TAF1B: variants seen among roughly 807,000 people sequenced by gnomAD.
TAF1B encodes TATA-box binding protein associated factor, RNA polymerase I subunit B, also known as TATA box-binding protein-associated factor RNA polymerase I subunit B.
Under a neutral mutation model 83.9 loss-of-function variants are expected in TAF1B, and 61 were observed. That is an observed-to-expected ratio of 0.73 (90% confidence interval 0.59 to 0.90). TAF1B has a LOEUF of 0.90. Among genes scored for constraint, TAF1B ranks in the 40% least tolerant of loss-of-function variants. TAF1B has a pLI of 0.00. For synonymous variants in TAF1B, 221 were observed against 224.6 expected, an observed-to-expected ratio of 0.98 and a Z score of 0.14; for missense variants, 625 against 677.0, an observed-to-expected ratio of 0.92 and a Z score of 0.85.
chr2:9,848,699 A>T (rs1456374952), intron 2 of TAF1B, among the ~76,000 whole-genome samples: 1 of 152,072 alleles, frequency 6.6e-6, no homozygotes, highest in Non-Finnish European at 1.5e-5. Context: ...AATAATGGGA[A>T]CATTTATTCT....
intron 5 of TAF1B, among the ~76,000 whole-genome samples, chr2:9,863,669 T>C (rs1663857594): frequency 6.6e-6 from 1 of 152,202 alleles, no homozygotes; most frequent in South Asian, 2.1e-4. Context: ...ACACCACACC[T>C]ATTCCAAAAT....
intron 8 of TAF1B, among the ~76,000 whole-genome samples, chr2:9,896,374 G>A (rs1393232084): frequency 6.6e-6 from 1 of 152,038 alleles, no homozygotes; most frequent in African/African-American, 2.4e-5. Flanking sequence ...AAATGGAAAC[G>A]GCTTTTCATT....
chr2:9,918,834 G>A (rs1388903727), intron 12 of TAF1B, among the ~76,000 whole-genome samples: 1 of 152,196 alleles, frequency 6.6e-6, no homozygotes, highest in Non-Finnish European at 1.5e-5. Flanking sequence ...TGGCTTTTGA[G>A]AGGAGCACAC....
chr2:9,855,051 A>G (rs188188034), intron 5 of TAF1B, among the ~76,000 whole-genome samples: 11 of 152,140 alleles, frequency 7.2e-5, no homozygotes, highest in South Asian at 2.1e-4. Flanking sequence ...CTGGAGTGCA[A>G]TGGCGCCATC....
chr2:9,891,458 G>T (rs1481676134), intron 8 of TAF1B, among the ~76,000 whole-genome samples: 1 of 152,080 alleles, frequency 6.6e-6, no homozygotes, highest in Admixed American at 6.5e-5. Context: ...TGGGATACAT[G>T]TGATAATTTA....
intron 14 of TAF1B, among the ~76,000 whole-genome samples, chr2:9,927,797 T>A (rs1327990658): frequency 6.6e-6 from 1 of 152,212 alleles, no homozygotes; most frequent in African/African-American, 2.4e-5. Flanking sequence ...ATTGAAAAAA[T>A]TTTCTCCCAT....
intron 9 of TAF1B, among the ~76,000 whole-genome samples, chr2:9,907,717 C>A (rs554589281): frequency 6.6e-6 from 1 of 152,182 alleles, no homozygotes; most frequent in East Asian, 1.9e-4. Context: ...ATTTCTGTTT[C>A]ATGTATGTAA....
chr2:9,868,117 T>A (rs1270923169), intron 5 of TAF1B, among the ~76,000 whole-genome samples, 159 bp from the exon 6 acceptor site: 2 of 152,172 alleles, frequency 1.3e-5, no homozygotes, highest in African/African-American at 4.8e-5. Context: ...CTGGGAGCTG[T>A]CAGGAGCGTG....
intron 7 of TAF1B, among the ~76,000 whole-genome samples, chr2:9,879,156 T>C (rs1001037191): frequency 6.6e-6 from 1 of 152,242 alleles, no homozygotes; most frequent in African/African-American, 2.4e-5. Context: ...TATGATAAAG[T>C]TTAATTTATA....
At position 9,875,183 on chromosome 2, in the gene TAF1B, C is replaced by T. The variant is rs913145587; in HGVS notation, c.554-682C>T. Among the ~76,000 whole-genome samples, 10 of 152,116 alleles carry T rather than the reference C, an allele frequency of 6.6e-5. No individual in the cohort carries two copies. In the East Asian group the frequency reaches 1.2e-3, roughly 18 times the overall value. On this transcript the variant is annotated intron_variant, in intron 6 of 14. Coordinates refer to ENST00000263663, the MANE Select transcript of TAF1B (RefSeq NM_005680.3). ...TTCACCATGTTGACCAGGCTGGTTTCGAACTCCTGACCTCAAGTGATCCAC... is the reference window on the plus strand; with the variant it reads ...TTCACCATGTTGACCAGGCTGGTTTTGAACTCCTGACCTCAAGTGATCCAC...
chr2:9,889,088 C>T (rs559603626), intron 8 of TAF1B, among the ~76,000 whole-genome samples: 1 of 151,416 alleles, frequency 6.6e-6, no homozygotes, highest in Non-Finnish European at 1.5e-5. Flanking sequence ...GGGTGGGGAG[C>T]CACTGCACCC....
chr2:9,913,571 C>T (rs1400669835), intron 12 of TAF1B: 3 of 194,258 alleles, frequency 1.5e-5, no homozygotes, highest in East Asian at 1.2e-4. Context: ...ATACTCCTCC[C>T]TCTTCCCCTT....
chr2:9,905,071 A>G, intron 9 of TAF1B, 65 bp downstream of exon 9: 1 of 1,411,938 alleles, frequency 7.1e-7, no homozygotes, highest in Non-Finnish European at 9.7e-7. Flanking sequence ...CAGAGTATAG[A>G]ATCTTTTCAA....
At chr2:9,863,876 A>G (rs1663868063) in intron 5 of TAF1B, among the ~76,000 whole-genome samples, 1 of 152,252 alleles carries the variant, frequency 6.6e-6, no homozygotes, top group Non-Finnish European at 1.5e-5. Flanking sequence ...GAAGGCAGAA[A>G]TAAAGATGTT....
chr2:9,865,618 T>G (rs1377358152), intron 5 of TAF1B, among the ~76,000 whole-genome samples: 1 of 152,124 alleles, frequency 6.6e-6, no homozygotes, highest in African/African-American at 2.4e-5. Context: ...AAACGAGCCC[T>G]CATTGCCAAG....
At chr2:9,853,304 C>G (rs1345639638) in intron 4 of TAF1B, among the ~76,000 whole-genome samples, 1 of 152,150 alleles carries the variant, frequency 6.6e-6, no homozygotes, top group Non-Finnish European at 1.5e-5. Context: ...GACTCCAAAT[C>G]CTATTGATAG....
intron 8 of TAF1B, among the ~76,000 whole-genome samples, chr2:9,888,789 G>GT (rs1558251667): frequency 2.4e-5 from 1 of 41,320 alleles, no homozygotes; most frequent in African/African-American, 8.2e-5. Flanking sequence ...TCTTCTGCTT[G>GT]GTTTTTTTTT....
intron 14 of TAF1B, 79 bp from the exon 15 acceptor site, chr2:9,933,703 TG>T (rs1285532063): frequency 1.7e-6 from 2 of 1,157,432 alleles, no homozygotes; most frequent in Non-Finnish European, 2.5e-6. Flanking sequence ...CTAAGTTATT[TG>T]GGGGGATGTT....
At chr2:9,848,806 G>A (rs1449642729) in intron 2 of TAF1B, among the ~76,000 whole-genome samples, 1 of 152,080 alleles carries the variant, frequency 6.6e-6, no homozygotes, top group African/African-American at 2.4e-5. Flanking sequence ...TTGCCCTTGA[G>A]AGCAGTTAAG....
Sources: gnomAD v4.1 joint callset for allele counts (sites outside exome capture counted in the v4.1 genomes callset) on GRCh38, gnomAD v4.1.1 for gene constraint, MANE v1.5 for transcripts, NCBI Gene and HGNC (gene_info 2026-07-23, HGNC 2026-07-21) for gene names.